Variants in NAT1 observed in about 807,000 individuals in gnomAD.
The protein encoded by NAT1 is N-acetyltransferase 1.
For missense variants in NAT1, 400 were observed against 339.2 expected (o/e 1.18, Z -1.41); for synonymous variants, 144 against 122.6 (o/e 1.17, Z -1.16).
chr8:18,176,508 G>C (rs537498224), intron 2 of NAT1, among the ~76,000 whole-genome samples: 13 of 151,886 alleles, frequency 8.6e-5, no homozygotes, highest in Non-Finnish European at 1.0e-4. Flanking sequence ...ATATCAATTG[G>C]CCATAAACAC....
At chr8:18,204,943 G>T (rs1174387636) in intron 2 of NAT1, among the ~76,000 whole-genome samples, 4 of 152,170 alleles carry the variant, frequency 2.6e-5, no homozygotes, top group African/African-American at 7.2e-5. Flanking sequence ...AGATTCTAGT[G>T]GGCCAATGCT....
At chr8:18,183,077 G>A (rs1335014167) in intron 2 of NAT1, among the ~76,000 whole-genome samples, 1 of 152,100 alleles carries the variant, frequency 6.6e-6, no homozygotes, top group East Asian at 1.9e-4. Context: ...GAAATGTATT[G>A]GCTCATAGTT....
At chr8:18,178,578 G>C (rs1188370221) in intron 2 of NAT1, among the ~76,000 whole-genome samples, 1 of 152,116 alleles carries the variant, frequency 6.6e-6, no homozygotes, top group African/African-American at 2.4e-5. Flanking sequence ...GTGAGCTATA[G>C]CTGAAGAGCT....
rs146072822 is a variant in NAT1, at chr8:18,188,481, T to C, written n.92+17742T>C. 1.9e-4 allele frequency among the ~76,000 whole-genome samples: 29 copies of C among 152,294 alleles called. No individual in the cohort carries two copies. The East Asian group carries it at 5.4e-3, about 28-fold the overall frequency. On this transcript the variant is annotated intron_variant and non_coding_transcript_variant, in intron 2 of 4. Transcript: ENST00000517441. The stretch of plus-strand genomic sequence containing the variant: ...AATGAATAAGTCTTAGTTATAACTT[T>C]ATTAGCTTTTGACTCAAGTTTAAGT...
In NAT1 at chr8:18,210,455, T is replaced by C. The variant is rs192076219; in HGVS notation, c.-86+275T>C. Among the ~76,000 whole-genome samples the C allele has an allele frequency of 1.9e-3, 282 of 152,320 alleles. 2 individuals are homozygous for C. Among genetic ancestry groups the C allele is most frequent in the African/African-American group, 6.4e-3 (267 of 41,572 alleles). Reference sequence around the variant, plus strand: ...CACTTAGTTTCCCTAAAACTCAGTTTCTTTTTCAGTAAAATGGAGCTACGA... The same window carrying C: ...CACTTAGTTTCCCTAAAACTCAGTTCCTTTTTCAGTAAAATGGAGCTACGA... On this transcript the variant is annotated intron_variant, in intron 1 of 2. Transcript: ENST00000307719.
At chr8:18,214,118 G>A (rs10086453) in intron 1 of NAT1, among the ~76,000 whole-genome samples, 7,587 of 152,126 alleles carry the variant, frequency 0.05, 556 homozygotes, top group African/African-American at 0.16. Flanking sequence ...CGGCCCTAAC[G>A]TCATATTTCT....
At chr8:18,209,458 G>T (rs6586712), upstream of NAT1, among the ~76,000 whole-genome samples, 108,316 of 152,218 alleles carry the variant, frequency 0.71, 39,463 homozygotes, top group African/African-American at 0.89. Flanking sequence ...ATGTATATTG[G>T]GTCAATAAAG....
chr8:18,204,445 T>C (rs1031763534), intron 2 of NAT1, among the ~76,000 whole-genome samples: 1 of 152,212 alleles, frequency 6.6e-6, no homozygotes, highest in Non-Finnish European at 1.5e-5. Context: ...TATGTTAAAC[T>C]AAGTAATAGA....
At chr8:18,175,565 A>G (rs1380717929) in intron 2 of NAT1, among the ~76,000 whole-genome samples, 3 of 152,138 alleles carry the variant, frequency 2.0e-5, no homozygotes, top group Non-Finnish European at 2.9e-5. Flanking sequence ...TCAAGGCTAT[A>G]TAGTATTCCA....
At chr8:18,187,393 C>T (rs2117242755) in intron 2 of NAT1, among the ~76,000 whole-genome samples, 1 of 152,254 alleles carries the variant, frequency 6.6e-6, no homozygotes, top group Non-Finnish European at 1.5e-5. Context: ...AAGACACATG[C>T]ATATGTATGT....
intron 2 of NAT1, among the ~76,000 whole-genome samples, chr8:18,200,513 A>G (rs1314145850): frequency 2.6e-5 from 4 of 152,180 alleles, no homozygotes; most frequent in African/African-American, 9.7e-5. Flanking sequence ...AAAAGGGAAC[A>G]ACAGACACCG....
chr8:18,211,178 C>T (rs1026219153), intron 1 of NAT1: 8 of 152,020 alleles, frequency 5.3e-5, no homozygotes, highest in Non-Finnish European at 1.0e-4. Flanking sequence ...AAAAATTTAA[C>T]TCCTTCACCG....
chr8:18,181,205 G>T (rs1316911162), intron 2 of NAT1, among the ~76,000 whole-genome samples: 1 of 152,040 alleles, frequency 6.6e-6, no homozygotes, highest in Non-Finnish European at 1.5e-5. Flanking sequence ...TCCTTGTGGA[G>T]ATTTTTCATT....
At chr8:18,186,216 C>A (rs1278027581) in intron 2 of NAT1, among the ~76,000 whole-genome samples, 2 of 151,968 alleles carry the variant, frequency 1.3e-5, no homozygotes, top group African/African-American at 4.8e-5. Flanking sequence ...TTGAAATTTC[C>A]CATTATGATT....
chr8:18,195,594 CT>C (rs909453939), intron 2 of NAT1, among the ~76,000 whole-genome samples: 138 of 152,056 alleles, frequency 9.1e-4, no homozygotes, highest in Non-Finnish European at 1.5e-3. Context: ...GGCAGACTTA[CT>C]TTTTTTTCTG....
At chr8:18,217,284 T>C (rs1161708868) in intron 1 of NAT1, among the ~76,000 whole-genome samples, 1 of 149,758 alleles carries the variant, frequency 6.7e-6, no homozygotes, top group Non-Finnish European at 1.5e-5. Context: ...AAAGCTAAAA[T>C]TTCTCTCACA....
At chr8:18,214,055 C>T (rs895450662) in intron 1 of NAT1, among the ~76,000 whole-genome samples, 16 of 152,082 alleles carry the variant, frequency 1.1e-4, no homozygotes, top group Admixed American at 3.9e-4. Flanking sequence ...CCTCGTGATC[C>T]GCCCGCCTCG....
intron 1 of NAT1, among the ~76,000 whole-genome samples, chr8:18,214,297 A>G (rs899629270): frequency 2.0e-5 from 3 of 152,150 alleles, no homozygotes; most frequent in Non-Finnish European, 4.4e-5. Context: ...TGAAACCGAA[A>G]CTATCAGGAT....
intron 2 of NAT1, among the ~76,000 whole-genome samples, chr8:18,196,394 T>C (rs1477524807): frequency 6.6e-6 from 1 of 151,046 alleles, no homozygotes; most frequent in Non-Finnish European, 1.5e-5. Context: ...GATGAACATA[T>C]GAGGAAAAAA....
Sources: gnomAD v4.1 joint callset for allele counts (sites outside exome capture counted in the v4.1 genomes callset) on GRCh38, gnomAD v4.1.1 for gene constraint, MANE v1.5 for transcripts, NCBI Gene and HGNC (gene_info 2026-07-23, HGNC 2026-07-21) for gene names.